Variants in LGI1 observed in about 807,000 individuals in gnomAD.
The protein encoded by LGI1 is leucine-rich glioma-inactivated protein 1.
LGI1 carries 11 observed loss-of-function variants against 57.7 expected under a neutral mutation model. The observed-to-expected ratio is 0.19, with a 90% CI of 0.12 to 0.32. The LOEUF is 0.32. Ranked by LOEUF, LGI1 falls within the 10% of genes least tolerant of loss-of-function variation. LGI1 has a pLI of 1.00. For synonymous variants in LGI1, 222 were observed against 241.9 expected (o/e 0.92, Z 0.76); for missense variants, 422 against 661.9 (o/e 0.64, Z 3.98).
At chr10:93,773,394 G>A (rs1269109030) in intron 2 of LGI1, among the ~76,000 whole-genome samples, 1 of 152,102 alleles carries the variant, frequency 6.6e-6, no homozygotes, top group Non-Finnish European at 1.5e-5. Context: ...GCGACCTCAA[G>A]GAAAGTGTTT....
intron 2 of LGI1, among the ~76,000 whole-genome samples, chr10:93,774,435 A>G (rs1344073893): frequency 6.6e-6 from 1 of 152,058 alleles, no homozygotes; most frequent in African/African-American, 2.4e-5. Context: ...TGGGTTTTCC[A>G]CCACAATTCT....
At chr10:93,781,859 T>C (rs1483317724) in intron 4 of LGI1, among the ~76,000 whole-genome samples, 5 of 152,184 alleles carry the variant, frequency 3.3e-5, no homozygotes, top group Admixed American at 1.3e-4. Context: ...TGCATGCATA[T>C]ATATAAATAT....
chr10:93,775,519 C>T lies in LGI1; in HGVS notation c.288-1860C>T, dbSNP rs113110753. On this transcript the variant is annotated intron_variant, in intron 2 of 7. Coordinates refer to ENST00000371418, the MANE Select transcript of LGI1 (RefSeq NM_005097.4). Reference sequence around the variant, plus strand: ...TGTAAGAAATATTTAATCCAGTAGTCTCGTAATGATCAGAATTTAGTGTAA... The same window carrying T: ...TGTAAGAAATATTTAATCCAGTAGTTTCGTAATGATCAGAATTTAGTGTAA... Among the ~76,000 whole-genome samples the T allele has an allele frequency of 5.5e-3, 830 of 152,260 alleles. 9 individuals carry two copies. The highest frequency in any genetic ancestry group is 0.019 in the African/African-American group (793 of 41,548).
intron 5 of LGI1, chr10:93,791,129 C>G (rs2059934457): frequency 6.6e-6 from 1 of 152,212 alleles, no homozygotes; most frequent in African/African-American, 2.4e-5. Flanking sequence ...ATTTCCCCAG[C>G]CCCTCCTCCA....
At chr10:93,774,597 A>T (rs933035925) in intron 2 of LGI1, among the ~76,000 whole-genome samples, 1 of 152,126 alleles carries the variant, frequency 6.6e-6, no homozygotes, top group Non-Finnish European at 1.5e-5. Context: ...GTCTTAGCCC[A>T]ACTCACCTTT....
intron 2 of LGI1, chr10:93,759,202 G>A (rs143670463): frequency 1.1e-3 from 282 of 267,646 alleles, no homozygotes; most frequent in African/African-American, 6.1e-3. Flanking sequence ...TAACATATGC[G>A]CTCAAGATGT....
At chr10:93,784,006 C>T (rs563351794) in intron 4 of LGI1, among the ~76,000 whole-genome samples, 1 of 152,204 alleles carries the variant, frequency 6.6e-6, no homozygotes, top group East Asian at 1.9e-4. Flanking sequence ...AGTGAGACTC[C>T]ATCTCAAAAT....
chr10:93,796,681 G>A (rs2059982490), intron 7 of LGI1, among the ~76,000 whole-genome samples: 1 of 152,240 alleles, frequency 6.6e-6, no homozygotes, highest in Non-Finnish European at 1.5e-5. Context: ...TCTGCAAGAA[G>A]TAAGAGGAGA....
rs779957598 is a variant in LGI1, at chr10:93,758,742, T to C, written c.216-18T>C. 17 of 1,593,608 alleles carry C rather than the reference T, an allele frequency of 1.1e-5. No individual in the cohort carries two copies. The highest frequency in any genetic ancestry group is 1.0e-4 in the Admixed American group (6 of 59,950). On this transcript the variant is annotated intron_variant, in intron 1 of 7. Coordinates refer to ENST00000371418, the MANE Select transcript of LGI1 (RefSeq NM_005097.4). This position sits in a 1 kb window ranked among gnomAD's most constrained non-coding sequence, Gnocchi z 4.7. ...TGTGTGTCTGTTTGTTTGTTTTCTC[T>C]TTTTTGTTTTCTTTCAGATCCTTTG... is the stretch of plus-strand genomic sequence containing the variant.
intron 5 of LGI1, chr10:93,792,272 T>G (rs914104242): frequency 6.0e-5 from 10 of 167,806 alleles, no homozygotes; most frequent in Admixed American, 2.8e-4. Context: ...AAATACACAC[T>G]GGACTTCAAA....
At chr10:93,759,502 A>T (rs2059601391) in intron 2 of LGI1, among the ~76,000 whole-genome samples, 1 of 152,238 alleles carries the variant, frequency 6.6e-6, no homozygotes, top group African/African-American at 2.4e-5. Context: ...CTAAGAAATC[A>T]GATCTGTTCA....
At chr10:93,772,071 A>G (rs1354659109) in intron 2 of LGI1, 4 of 152,188 alleles carry the variant, frequency 2.6e-5, no homozygotes, top group African/African-American at 9.6e-5. Context: ...TATGTTAAAA[A>G]TCATTAATGA....
chr10:93,790,388 C>A (rs2059926644), intron 5 of LGI1: 1 of 551,896 alleles, frequency 1.8e-6, no homozygotes, highest in Admixed American at 3.4e-5. Flanking sequence ...GGCACCCAGG[C>A]ATTCCTTTGA....
At chr10:93,793,084 T>A in intron 6 of LGI1, 102 bp from the exon 7 acceptor site, 2 of 1,221,914 alleles carry the variant, frequency 1.6e-6, no homozygotes, top group Admixed American at 2.2e-5. Flanking sequence ...AAATGGCCAT[T>A]TTACTATTCT....
At chr10:93,776,515 AGC>A (rs2059796072) in intron 2 of LGI1, among the ~76,000 whole-genome samples, 1 of 152,186 alleles carries the variant, frequency 6.6e-6, no homozygotes, top group Admixed American at 6.5e-5. Flanking sequence ...GAATTCACTA[AGC>A]TAGTTAGTGG....
intron 2 of LGI1, chr10:93,764,864 C>G (rs1036859700): frequency 6.6e-6 from 1 of 152,176 alleles, no homozygotes; most frequent in Admixed American, 6.5e-5. Flanking sequence ...ATTGTATAAT[C>G]TGGGTTTGCC....
chr10:93,793,400 C>T (rs745760611), intron 7 of LGI1, 50 bp downstream of exon 7: 3 of 1,465,934 alleles, frequency 2.0e-6, no homozygotes, highest in Non-Finnish European at 2.9e-6. Context: ...CTGCTTCAGC[C>T]AAGGGCAACA....
chr10:93,771,129 A>T (rs867530009), intron 2 of LGI1: 2 of 152,228 alleles, frequency 1.3e-5, no homozygotes, highest in African/African-American at 4.8e-5. Context: ...AGGATATCAC[A>T]TACTCAAATA....
rs756267808 is a variant in LGI1 at position 93,793,360 on chromosome 10, G to A, written c.838+10G>A. 2.7e-5 allele frequency: 44 copies of A among 1,611,792 alleles called. No homozygotes were observed. Among genetic ancestry groups the A allele is most frequent in the Non-Finnish European group, 3.5e-5 (41 of 1,178,088 alleles). ...TATGACAACATTACAGGTATGAAAA[G>A]CCTAATGATATTTTGAGTGGTAATT... On this transcript the variant is annotated intron_variant, in intron 7 of 7. Transcript: ENST00000371418.
Sources: gnomAD v4.1 joint callset for allele counts (sites outside exome capture counted in the v4.1 genomes callset) on GRCh38, gnomAD v4.1.1 for gene constraint, Gnocchi (gnomAD v3.1) non-coding constraint, MANE v1.5 for transcripts, NCBI Gene and HGNC (gene_info 2026-07-23, HGNC 2026-07-21) for gene names.